The following CADM2 variants were observed in gnomAD, a reference collection of about 807,000 sequenced individuals.
CADM2 encodes the protein cell adhesion molecule 2, also known as immunoglobulin superfamily member 4D.
CADM2 carries 12 observed loss-of-function variants against 49.8 expected under a neutral mutation model. The observed-to-expected ratio is 0.24, with a 90% confidence interval of 0.15 to 0.39. The LOEUF is 0.39. Ranked by LOEUF, CADM2 falls within the 10% of genes least tolerant of loss-of-function variation. The pLI is 1.00. For synonymous variants in CADM2, 214 were observed against 175.4 expected (o/e 1.22, Z -1.74); for missense variants, 378 against 492.3 (o/e 0.77, Z 2.20).
chr3:85,954,643 A>G (rs1055404878), intron 7 of CADM2, among the ~76,000 whole-genome samples: 22 of 151,264 alleles, frequency 1.5e-4, no homozygotes, highest in African/African-American at 5.3e-4. Flanking sequence ...CAGTCTACCC[A>G]AAGGGGAAAT....
At chr3:86,003,218 G>A (rs762078271) in intron 8 of CADM2, among the ~76,000 whole-genome samples, 2 of 152,234 alleles carry the variant, frequency 1.3e-5, no homozygotes, top group South Asian at 2.1e-4. Flanking sequence ...CTAACTCCCA[G>A]GGTTCTTAAG....
rs35485915 is a variant in CADM2, at chr3:85,427,160, CTATATA to C, written c.62-299326_62-299321del. On this transcript the variant is annotated intron_variant, in intron 1 of 9. Transcript: ENST00000383699. ...AACATTACTCACTGATGTATTGGAA[CTATATA>C]TATATATATATATATATATATATAT... is the stretch of plus-strand genomic sequence containing the variant. Among the ~76,000 whole-genome samples the C allele has an allele frequency of 9.9e-3, 1,126 of 113,574 alleles. 7 individuals carry two copies. The highest frequency in any genetic ancestry group is 0.031 in the African/African-American group (641 of 20,414). 74.5% of individuals were successfully genotyped at this position (113,574 alleles called of 152,430 possible). A position where few individuals can be genotyped will look rare whatever the true frequency, so the allele number is the denominator to read the frequency against.
intron 1 of CADM2, among the ~76,000 whole-genome samples, chr3:85,720,658 A>G (rs183357746): frequency 2.8e-4 from 42 of 152,340 alleles, no homozygotes; most frequent in Non-Finnish European, 5.6e-4. Flanking sequence ...AATGAGGCTT[A>G]GAAGAAAATC....
intron 1 of CADM2, among the ~76,000 whole-genome samples, chr3:85,093,600 G>GA (rs1467928453): frequency 6.6e-6 from 1 of 151,902 alleles, no homozygotes. Context: ...TTGATTAAGG[G>GA]AAAATCAAAT....
At chr3:85,081,194 G>A (rs1243440217) in intron 1 of CADM2, among the ~76,000 whole-genome samples, 1 of 151,998 alleles carries the variant, frequency 6.6e-6, no homozygotes, top group East Asian at 1.9e-4. Flanking sequence ...TTATGTTATA[G>A]TCAGTCATTG....
At position 85,071,147 on chromosome 3, in the gene CADM2, A is replaced by G. The variant is rs532523670; in HGVS notation, c.61+111479A>G. On this transcript the variant is annotated intron_variant, in intron 1 of 9. Transcript: ENST00000383699. ...ATACTTCGTAAAAGCTTTTACTTATAAAGTAGGAAATATATGTATTGATAT... is the reference window on the plus strand; with the variant it reads ...ATACTTCGTAAAAGCTTTTACTTATGAAGTAGGAAATATATGTATTGATAT... Among the ~76,000 whole-genome samples the G allele has an allele frequency of 2.6e-5, 4 of 152,166 alleles. No individual in the cohort carries two copies. In the South Asian group the frequency reaches 8.3e-4, roughly 32 times the overall value.
intron 1 of CADM2, among the ~76,000 whole-genome samples, chr3:85,470,230 A>G (rs573544017): frequency 2.0e-4 from 31 of 152,298 alleles, no homozygotes; most frequent in African/African-American, 7.2e-4. Flanking sequence ...TATTCTCATA[A>G]TCAAATAACA....
chr3:85,677,606 A>G (rs1346916087), intron 1 of CADM2, among the ~76,000 whole-genome samples: 1 of 152,204 alleles, frequency 6.6e-6, no homozygotes, highest in African/African-American at 2.4e-5. Flanking sequence ...TAAAATAAAG[A>G]ATTATTTTTG....
chr3:85,619,285 TA>T (rs1246011564), intron 1 of CADM2, among the ~76,000 whole-genome samples: 13 of 151,462 alleles, frequency 8.6e-5, no homozygotes, highest in Non-Finnish European at 1.8e-4. Context: ...GATTTATTGA[TA>T]TTTTTTCACT....
chr3:85,534,689 T>C (rs543783777), intron 1 of CADM2, among the ~76,000 whole-genome samples: 85 of 152,360 alleles, frequency 5.6e-4, no homozygotes, highest in African/African-American at 1.9e-3. Context: ...GGCTATTGTC[T>C]AAAGTGCATT....
intron 1 of CADM2, among the ~76,000 whole-genome samples, chr3:85,376,529 T>A (rs2033602060): frequency 6.6e-6 from 1 of 152,088 alleles, no homozygotes; most frequent in Non-Finnish European, 1.5e-5. Context: ...TTCAAGCAAC[T>A]AAAAATTTAG....
At chr3:85,390,253 G>A (rs1018332665) in intron 1 of CADM2, among the ~76,000 whole-genome samples, 2 of 151,938 alleles carry the variant, frequency 1.3e-5, no homozygotes, top group Admixed American at 6.6e-5. Context: ...CCCTGACTGA[G>A]GCTTCAGTTC....
At chr3:85,033,593 A>C (rs2035081323) in intron 1 of CADM2, among the ~76,000 whole-genome samples, 1 of 152,204 alleles carries the variant, frequency 6.6e-6, no homozygotes, top group South Asian at 2.1e-4. Context: ...AGGGACTAGA[A>C]TATTGGAGCA....
At chr3:85,983,747 A>G (rs560755721) in intron 8 of CADM2, among the ~76,000 whole-genome samples, 1 of 151,738 alleles carries the variant, frequency 6.6e-6, no homozygotes, top group Non-Finnish European at 1.5e-5. Context: ...ATTAGATGAA[A>G]ATTATACTAG....
intron 1 of CADM2, among the ~76,000 whole-genome samples, chr3:85,044,459 A>T (rs527654579): frequency 1.3e-5 from 2 of 152,272 alleles, no homozygotes; most frequent in Non-Finnish European, 2.9e-5. Flanking sequence ...AGTTGGAAGG[A>T]TCTGTTCTCT....
intron 1 of CADM2, among the ~76,000 whole-genome samples, chr3:85,071,031 T>TAAATAAACAAAC (rs1559645370): frequency 2.1e-5 from 3 of 142,614 alleles, no homozygotes; most frequent in South Asian, 2.2e-4. Flanking sequence ...AACAAATAAA[T>TAAATAAACAAAC]AAATAAATAA....
At chr3:85,368,374 G>T (rs1323717967) in intron 1 of CADM2, among the ~76,000 whole-genome samples, 3 of 151,988 alleles carry the variant, frequency 2.0e-5, no homozygotes, top group Admixed American at 6.6e-5. Flanking sequence ...AGGGGAGTGG[G>T]CTAAGCATTG....
intron 1 of CADM2, among the ~76,000 whole-genome samples, chr3:85,492,123 C>T (rs970970490): frequency 6.6e-6 from 1 of 152,006 alleles, no homozygotes; most frequent in African/African-American, 2.4e-5. Context: ...CCCTATTTTC[C>T]TATCTTCTGA....
At chr3:85,225,315 A>G (rs2042133051) in intron 1 of CADM2, among the ~76,000 whole-genome samples, 1 of 152,192 alleles carries the variant, frequency 6.6e-6, no homozygotes, top group African/African-American at 2.4e-5. Context: ...GAGGTCATTC[A>G]CATCCCTTGT....
Sources: gnomAD v4.1 joint callset for allele counts (sites outside exome capture counted in the v4.1 genomes callset) on GRCh38, gnomAD v4.1.1 for gene constraint, MANE v1.5 for transcripts, NCBI Gene and HGNC (gene_info 2026-07-23, HGNC 2026-07-21) for gene names.